SRBD1: variants seen among roughly 807,000 people sequenced by gnomAD.
SRBD1 encodes the protein S1 RNA binding domain 1.
A neutral mutation model predicts 115.3 loss-of-function variants in SRBD1; 88 were observed. That is an observed-to-expected ratio of 0.76 (90% CI 0.64 to 0.91). The LOEUF (loss-of-function observed/expected upper bound fraction) is 0.91, where lower values mean the gene tolerates loss of function less well. Among genes scored for constraint, SRBD1 ranks in the 40% least tolerant of loss-of-function variants. SRBD1 has a pLI of 0.00. For missense variants in SRBD1, 1,385 were observed against 1,177.4 expected, an observed-to-expected ratio of 1.18 and a Z score of -2.58; for synonymous variants, 509 against 407.7, an observed-to-expected ratio of 1.25 and a Z score of -2.99.
At position 45,472,196 on chromosome 2, in the gene SRBD1, C is replaced by T. The variant is rs150403572; in HGVS notation, c.2049+4797G>A. On this transcript the variant is annotated intron_variant, in intron 16 of 20. Coordinates refer to ENST00000263736, the MANE Select transcript of SRBD1 (RefSeq NM_018079.5). Reference sequence around the variant, plus strand: ...GTACTGATACATGCTGCAATGCAGACCACCTCTGAAAACATTATAAGTGAA... The same window carrying T: ...GTACTGATACATGCTGCAATGCAGATCACCTCTGAAAACATTATAAGTGAA... Among the ~76,000 whole-genome samples the T allele has an allele frequency of 2.8e-4, 42 of 152,212 alleles. 1 individual carries two copies. In the South Asian group the frequency reaches 8.1e-3, roughly 29 times the overall value.
At chr2:45,599,315 C>T (rs1319182850) in intron 4 of SRBD1, 134 bp downstream of exon 4, 12 of 1,244,288 alleles carry the variant, frequency 9.6e-6, no homozygotes, top group Middle Eastern at 2.0e-4. Context: ...AGTAGGAAAG[C>T]CTCCAGAAAT....
At chr2:45,532,341 C>T (rs2103986237) in intron 14 of SRBD1, among the ~76,000 whole-genome samples, 1 of 151,938 alleles carries the variant, frequency 6.6e-6, no homozygotes, top group Non-Finnish European at 1.5e-5. Context: ...TTAAAAGGCG[C>T]TTTGATGTTG....
chr2:45,443,457 TG>T (rs1221997371), intron 16 of SRBD1, among the ~76,000 whole-genome samples: 2 of 151,734 alleles, frequency 1.3e-5, no homozygotes, highest in African/African-American at 2.4e-5. Flanking sequence ...AAAATTTTGG[TG>T]GGGGGGATTA....
intron 14 of SRBD1, among the ~76,000 whole-genome samples, chr2:45,528,812 G>T (rs981126815): frequency 2.6e-5 from 4 of 151,842 alleles, no homozygotes; most frequent in Non-Finnish European, 1.5e-5. Flanking sequence ...TGATTAACAG[G>T]CTTAGAAGTA....
intron 16 of SRBD1, among the ~76,000 whole-genome samples, chr2:45,466,271 C>T (rs1669487375): frequency 6.6e-6 from 1 of 152,112 alleles, no homozygotes; most frequent in South Asian, 2.1e-4. Flanking sequence ...TCTTGCCGGG[C>T]ACCTACTACC....
chr2:45,447,545 G>C (rs1193381859), intron 16 of SRBD1: 1 of 152,114 alleles, frequency 6.6e-6, no homozygotes, highest in African/African-American at 2.4e-5. Flanking sequence ...AAAAATTTTG[G>C]AACACATTAT....
At chr2:45,416,128 C>T (rs1040613007) in intron 18 of SRBD1, among the ~76,000 whole-genome samples, 8 of 151,926 alleles carry the variant, frequency 5.3e-5, no homozygotes, top group Non-Finnish European at 1.0e-4. Context: ...GGGCAAAATA[C>T]GTAGGAAGAA....
At chr2:45,555,356 C>A (rs1672440388) in intron 10 of SRBD1, among the ~76,000 whole-genome samples, 1 of 152,128 alleles carries the variant, frequency 6.6e-6, no homozygotes, top group Non-Finnish European at 1.5e-5. Flanking sequence ...TGCACTACAG[C>A]TAAGCAACAG....
chr2:45,477,907 G>C (rs983384228), intron 15 of SRBD1, among the ~76,000 whole-genome samples: 1 of 151,086 alleles, frequency 6.6e-6, no homozygotes, highest in Admixed American at 6.6e-5. Flanking sequence ...AAACTTTAGA[G>C]TTAATTTCAA....
intron 14 of SRBD1, among the ~76,000 whole-genome samples, chr2:45,495,497 C>T (rs937886197): frequency 6.6e-6 from 1 of 152,200 alleles, no homozygotes; most frequent in Non-Finnish European, 1.5e-5. Flanking sequence ...TTCCCTCTCT[C>T]CCCGCATTCT....
intron 14 of SRBD1, among the ~76,000 whole-genome samples, chr2:45,524,229 T>C (rs1671372804): frequency 6.6e-6 from 1 of 151,934 alleles, no homozygotes; most frequent in African/African-American, 2.4e-5. Context: ...ATGTTTCCCC[T>C]AAAACAGGAA....
At position 45,457,239 on chromosome 2, in the gene SRBD1, T is replaced by C. The variant is rs529547517; in HGVS notation, c.2049+19754A>G. Among the ~76,000 whole-genome samples the C allele has an allele frequency of 3.9e-4, 60 of 152,102 alleles. 1 individual carries two copies. Among genetic ancestry groups the C allele is most frequent in the South Asian group, 1.7e-3 (8 of 4,822 alleles). On this transcript the variant is annotated intron_variant, in intron 16 of 20. Transcript: ENST00000263736. ...TCTTTTATTTATAACTGAATAATTTTTGTCCACACAGATTTGGGAAGCTAA... is the reference window on the plus strand; with the variant it reads ...TCTTTTATTTATAACTGAATAATTTCTGTCCACACAGATTTGGGAAGCTAA...
At chr2:45,429,922 T>G (rs1572631894) in intron 16 of SRBD1, among the ~76,000 whole-genome samples, 1 of 152,356 alleles carries the variant, frequency 6.6e-6, no homozygotes, top group East Asian at 1.9e-4. Context: ...CTCCTTAAGC[T>G]GATAAGCAAC....
At chr2:45,427,112 T>C (rs149685550) in intron 16 of SRBD1, among the ~76,000 whole-genome samples, 47 of 152,296 alleles carry the variant, frequency 3.1e-4, no homozygotes, top group Non-Finnish European at 4.7e-4. Flanking sequence ...GAAAAAAGGT[T>C]AGAGGAATTG....
chr2:45,504,788 T>A (rs1274789209), intron 14 of SRBD1, among the ~76,000 whole-genome samples: 1 of 151,906 alleles, frequency 6.6e-6, no homozygotes, highest in Non-Finnish European at 1.5e-5. Flanking sequence ...AAACAGGAGG[T>A]CTTACGCCTG....
chr2:45,537,038 T>C (rs1195353580), intron 14 of SRBD1, among the ~76,000 whole-genome samples: 1 of 152,204 alleles, frequency 6.6e-6, no homozygotes, highest in African/African-American at 2.4e-5. Context: ...TATTCTTTTC[T>C]ATTTAACTTT....
At chr2:45,450,412 A>C (rs1225387690) in intron 16 of SRBD1, among the ~76,000 whole-genome samples, 2 of 152,170 alleles carry the variant, frequency 1.3e-5, no homozygotes, top group African/African-American at 4.8e-5. Context: ...TACCAAATGC[A>C]AACTATTTTT....
intron 14 of SRBD1, among the ~76,000 whole-genome samples, chr2:45,498,816 G>T (rs891350191): frequency 1.3e-5 from 2 of 152,134 alleles, no homozygotes; most frequent in African/African-American, 4.8e-5. Context: ...TGCTGCAAAT[G>T]ACAGGGTTTC....
intron 14 of SRBD1, among the ~76,000 whole-genome samples, chr2:45,520,060 G>C (rs750582870): frequency 1.3e-5 from 2 of 152,124 alleles, no homozygotes; most frequent in Non-Finnish European, 1.5e-5. Context: ...TAAAGCAAGA[G>C]ACACTAACAG....
Sources: allele counts gnomAD v4.1 joint callset (sites outside exome capture counted in the v4.1 genomes callset), GRCh38; gene constraint gnomAD v4.1.1; transcripts MANE v1.5; gene names NCBI Gene and HGNC (gene_info 2026-07-23, HGNC 2026-07-21).